CALN1: variants seen among roughly 807,000 people sequenced by gnomAD.
CALN1 encodes calneuron 1, also known as calcium-binding protein 8.
A neutral mutation model predicts 30.6 loss-of-function variants in CALN1; 17 were observed. The ratio of observed to expected loss-of-function variants is 0.56; its 90% CI spans 0.38 to 0.83. The LOEUF (loss-of-function observed/expected upper bound fraction) is 0.83. CALN1 is among the 40% of genes least tolerant of loss of function. The pLI is 0.00. For missense variants in CALN1, 291 were observed against 354.9 expected, an observed-to-expected ratio of 0.82 and a Z score of 1.45; for synonymous variants, 156 against 131.4, an observed-to-expected ratio of 1.19 and a Z score of -1.28.
chr7:72,230,420 T>C (rs1390821525), intron 3 of CALN1, among the ~76,000 whole-genome samples: 1 of 142,982 alleles, frequency 7.0e-6, no homozygotes, highest in Non-Finnish European at 1.5e-5. Flanking sequence ...AGTGGGAGGA[T>C]CACCTGAGCC....
intron 4 of CALN1, among the ~76,000 whole-genome samples, chr7:72,046,905 A>C (rs1802510355): frequency 6.6e-6 from 1 of 151,798 alleles, no homozygotes; most frequent in Non-Finnish European, 1.5e-5. Context: ...CTCTACAAGA[A>C]ATATAAACAT....
intron 2 of CALN1, among the ~76,000 whole-genome samples, chr7:72,299,716 G>C (rs1050596048): frequency 5.1e-5 from 4 of 77,900 alleles, no homozygotes; most frequent in Non-Finnish European, 1.1e-4. Context: ...TTTTTAAAAA[G>C]AGAGACTGAG....
Position 72,389,940 on chromosome 7 carries a change from G to GA in CALN1, c.119+13310dup, listed in dbSNP as rs201990177. 8.6e-3 allele frequency among the ~76,000 whole-genome samples: 1,260 copies of GA among 146,992 alleles called. 32 individuals carry two copies. Among genetic ancestry groups the GA allele is most frequent in the African/African-American group, 0.028 (1,131 of 40,236 alleles). Reference sequence around the variant, plus strand: ...CAAAACCCCATCTAAAAAAAAAAAAGAAGAAAGAAAAGAAAAAAAAGGGGA... The same window carrying GA: ...CAAAACCCCATCTAAAAAAAAAAAAGAAAGAAAGAAAAGAAAAAAAAGGGGA... On this transcript the variant is annotated intron_variant, in intron 2 of 6. Transcript: ENST00000395275.
At chr7:72,157,270 G>C (rs973727693) in intron 3 of CALN1, among the ~76,000 whole-genome samples, 1 of 152,092 alleles carries the variant, frequency 6.6e-6, no homozygotes, top group African/African-American at 2.4e-5. Context: ...AATAAGACAT[G>C]GTCCATGTCC....
At chr7:72,234,176 G>A (rs145776195) in intron 3 of CALN1, among the ~76,000 whole-genome samples, 242 of 152,298 alleles carry the variant, frequency 1.6e-3, no homozygotes, top group African/African-American at 5.1e-3. Context: ...GAGGCAGTTT[G>A]CAGGTAATTA....
At chr7:72,362,246 T>A (rs1803616305) in intron 2 of CALN1, among the ~76,000 whole-genome samples, 2 of 152,240 alleles carry the variant, frequency 1.3e-5, no homozygotes, top group South Asian at 2.1e-4. Context: ...ATGGATCTTA[T>A]GTCTACCAAT....
At chr7:72,411,956 C>A (rs1807192083) in intron 1 of CALN1, 102 bp downstream of exon 1, 1 of 152,186 alleles carries the variant, frequency 6.6e-6, no homozygotes, top group Non-Finnish European at 1.5e-5. Context: ...TAATCCGGAA[C>A]TTGTCTCCAG....
intron 5 of CALN1, among the ~76,000 whole-genome samples, chr7:72,023,250 T>C (rs2129530214): frequency 6.6e-6 from 1 of 152,126 alleles, no homozygotes; most frequent in East Asian, 1.9e-4. Context: ...AAAACCATTC[T>C]CTCTCATTAA....
Position 71,786,258 on chromosome 7 carries a change from G to T in CALN1, c.*1517C>A, listed in dbSNP as rs1261787800. ...GCTTCTGGTGGCTCGCTACTGGAAG[G>T]GGGGAAGCATGTAGTTTTAGGATGT... On this transcript the variant is annotated 3_prime_UTR_variant, in exon 7 of 7. Transcript: ENST00000395275. The T allele has an allele frequency of 1.3e-5, 2 of 152,314 alleles. No homozygotes were observed. The highest frequency in any genetic ancestry group is 3.4e-3 in the Middle Eastern group (1 of 296). 9.4% of individuals were successfully genotyped at this position (152,314 alleles called of 1,614,324 possible).
At chr7:71,921,250 A>G (rs1794930642) in intron 5 of CALN1, among the ~76,000 whole-genome samples, 1 of 152,182 alleles carries the variant, frequency 6.6e-6, no homozygotes, top group Non-Finnish European at 1.5e-5. Context: ...TAGGAGAAAT[A>G]CCTAATGTAG....
intron 3 of CALN1, among the ~76,000 whole-genome samples, chr7:72,155,842 G>T (rs186116434): frequency 1.3e-5 from 2 of 152,250 alleles, no homozygotes; most frequent in East Asian, 3.9e-4. Context: ...TGGAAGCTCA[G>T]CAAATAATCC....
intron 4 of CALN1, among the ~76,000 whole-genome samples, chr7:72,081,575 A>T (rs766045929): frequency 6.6e-6 from 1 of 151,948 alleles, no homozygotes; most frequent in Admixed American, 6.6e-5. Context: ...GGTGTGCACC[A>T]CCATGCCGAG....
intron 3 of CALN1, among the ~76,000 whole-genome samples, chr7:72,213,161 T>C (rs1056365456): frequency 1.3e-5 from 2 of 152,222 alleles, no homozygotes; most frequent in East Asian, 1.9e-4. Flanking sequence ...CCTCTTATAA[T>C]TGCTAATGCA....
At chr7:72,105,908 G>A (rs373024341) in intron 4 of CALN1, among the ~76,000 whole-genome samples, 14 of 151,258 alleles carry the variant, frequency 9.3e-5, no homozygotes, top group East Asian at 3.9e-4. Flanking sequence ...ACAAGATGCT[G>A]TAACTGTTCC....
upstream of CALN1, among the ~76,000 whole-genome samples, chr7:72,414,212 C>A (rs1372490624): frequency 6.6e-6 from 1 of 152,124 alleles, no homozygotes; most frequent in East Asian, 1.9e-4. Context: ...GCCAGAGGCC[C>A]ATGGGCCTCC....
At position 72,387,018 on chromosome 7, in the gene CALN1, T is replaced by G. The variant is rs906112189; in HGVS notation, c.119+16233A>C. 2.0e-5 allele frequency among the ~76,000 whole-genome samples: 3 copies of G among 151,344 alleles called. No individual in the cohort carries two copies. In the South Asian group the frequency reaches 6.3e-4, roughly 32 times the overall value. ...CAATACACAAGATGAGCCTGGAACATCTTTCAGTGCCAGAAAGAAAGTTCT... is the reference window on the plus strand; with the variant it reads ...CAATACACAAGATGAGCCTGGAACAGCTTTCAGTGCCAGAAAGAAAGTTCT... On this transcript the variant is annotated intron_variant, in intron 2 of 6. Coordinates refer to ENST00000395275, the MANE Select transcript of CALN1 (RefSeq NM_031468.4).
chr7:72,451,206 AAGAAGGAGGAGG>A (rs1373050177), upstream of CALN1, among the ~76,000 whole-genome samples: 1 of 118,844 alleles, frequency 8.4e-6, no homozygotes, highest in East Asian at 2.7e-4. Flanking sequence ...GAAGAAGAAG[AAGAAGGAGGAGG>A]AGGAGGAGGA....
At chr7:71,847,830 AGAAG>A (rs1790398368) in intron 5 of CALN1, among the ~76,000 whole-genome samples, 1 of 103,020 alleles carries the variant, frequency 9.7e-6, no homozygotes, top group Non-Finnish European at 1.8e-5. Context: ...AAGGAGAAGG[AGAAG>A]GAGAAGGAGA....
At chr7:72,373,195 G>T (rs191937882) in intron 2 of CALN1, among the ~76,000 whole-genome samples, 1 of 151,982 alleles carries the variant, frequency 6.6e-6, no homozygotes, top group Non-Finnish European at 1.5e-5. Context: ...TACAAATCAC[G>T]CAATCTGAAC....
Sources: allele counts gnomAD v4.1 joint callset (sites outside exome capture counted in the v4.1 genomes callset), GRCh38; gene constraint gnomAD v4.1.1; transcripts MANE v1.5; gene names NCBI Gene and HGNC (gene_info 2026-07-23, HGNC 2026-07-21).